The following RARB variants were observed in gnomAD, a reference collection of about 807,000 sequenced individuals.
The protein encoded by RARB is HBV-activated protein.
In RARB, 17 loss-of-function variants were observed where a neutral mutation model predicts 51.9. The ratio of observed to expected loss-of-function variants is 0.33; its 90% confidence interval spans 0.22 to 0.49. The LOEUF (loss-of-function observed/expected upper bound fraction) is 0.49. RARB is among the 20% of genes least tolerant of loss of function. RARB has a pLI of 0.99. For synonymous variants in RARB, 215 were observed against 195.4 expected (o/e 1.10, Z -0.84); for missense variants, 369 against 550.8 (o/e 0.67, Z 3.30).
chr3:25,092,359 C>T (rs527316709), intron 3 of RARB, among the ~76,000 whole-genome samples: 42 of 151,820 alleles, frequency 2.8e-4, no homozygotes, highest in African/African-American at 9.2e-4. Flanking sequence ...ATTTGTTTGC[C>T]CAAGATCTTA....
At chr3:25,024,916 G>A (rs1408028510) in intron 2 of RARB, 2 of 133,170 alleles carry the variant, frequency 1.5e-5, no homozygotes, top group Non-Finnish European at 3.1e-5. Flanking sequence ...TCATGCCACT[G>A]TCACTCCAGC....
chr3:25,342,498 C>T (rs1259164718), intron 5 of RARB, among the ~76,000 whole-genome samples: 1 of 152,160 alleles, frequency 6.6e-6, no homozygotes, highest in Non-Finnish European at 1.5e-5. Context: ...GGATAAAAAG[C>T]AGATCTGCTG....
At chr3:24,877,345 A>ATTTTTTTTTTT (rs1559379782) in intron 2 of RARB, among the ~76,000 whole-genome samples, 4 of 17,760 alleles carry the variant, frequency 2.3e-4, no homozygotes, top group African/African-American at 8.6e-4. Flanking sequence ...AAGCAATCTT[A>ATTTTTTTTTTT]CTTTTTTTTT....
At chr3:25,347,793 C>A (rs1705438488) in intron 5 of RARB, among the ~76,000 whole-genome samples, 1 of 152,190 alleles carries the variant, frequency 6.6e-6, no homozygotes, top group Non-Finnish European at 1.5e-5. Context: ...CAATCATTCA[C>A]ACATGTTCAT....
chr3:25,437,058 G>A (rs545295456), intron 1 of RARB, among the ~76,000 whole-genome samples: 2 of 151,666 alleles, frequency 1.3e-5, no homozygotes, highest in Non-Finnish European at 2.9e-5. Flanking sequence ...CACCAGGTAG[G>A]CCTTCTGCCC....
chr3:25,138,311 T>A (rs1021820655), intron 4 of RARB, among the ~76,000 whole-genome samples: 6 of 152,056 alleles, frequency 3.9e-5, no homozygotes, highest in African/African-American at 1.4e-4. Flanking sequence ...TGATACAACC[T>A]TTTGAAAGCA....
intron 4 of RARB, among the ~76,000 whole-genome samples, chr3:25,150,632 T>C (rs1336808950): frequency 6.6e-6 from 1 of 152,210 alleles, no homozygotes; most frequent in East Asian, 1.9e-4. Context: ...TAGAGTACAA[T>C]CATTTGAGAG....
chr3:25,291,101 A>G (rs1036856692), intron 5 of RARB, among the ~76,000 whole-genome samples: 22 of 152,286 alleles, frequency 1.4e-4, no homozygotes, highest in African/African-American at 4.8e-4. Context: ...CTTCTGAAAA[A>G]TATAGAGTTG....
chr3:25,176,877 G>C (rs1054343135), intron 5 of RARB, among the ~76,000 whole-genome samples: 3 of 152,072 alleles, frequency 2.0e-5, no homozygotes, highest in African/African-American at 7.2e-5. Context: ...TCATTTTCTA[G>C]ATCAAAACTG....
In RARB at chr3:25,053,101, A is replaced by AGT. The variant is rs370621273; in HGVS notation, c.-379-7022_-379-7021dup. Among the ~76,000 whole-genome samples, 379 of 152,262 alleles carry AGT rather than the reference A, an allele frequency of 2.5e-3. 2 individuals are homozygous for AGT. The highest frequency in any genetic ancestry group is 8.5e-3 in the African/African-American group (353 of 41,556). On this transcript the variant is annotated intron_variant, in intron 2 of 11. Coordinates refer to the RARB transcript ENST00000383772. ...GTATCCTTAAGGAAAGGGGAAAAGAAGTGGAGTAGGCTGAGGGGGAGAGAT... is the reference window on the plus strand; with the variant it reads ...GTATCCTTAAGGAAAGGGGAAAAGAAGTGTGGAGTAGGCTGAGGGGGAGAGAT...
intron 2 of RARB, among the ~76,000 whole-genome samples, chr3:25,000,455 A>C: frequency 6.6e-6 from 1 of 151,668 alleles, no homozygotes; most frequent in South Asian, 2.1e-4. Flanking sequence ...TCTTTTTTGC[A>C]TTTTCTTTTA....
chr3:25,024,171 A>G (rs873390), intron 2 of RARB, among the ~76,000 whole-genome samples: 20,599 of 152,278 alleles, frequency 0.14, 1,842 homozygotes, highest in Non-Finnish European at 0.2. Flanking sequence ...ATTAAAACAC[A>G]TAGAAACTCA....
intron 4 of RARB, among the ~76,000 whole-genome samples, chr3:25,159,085 G>C (rs1185032428): frequency 6.8e-6 from 1 of 148,142 alleles, no homozygotes; most frequent in Non-Finnish European, 1.5e-5. Context: ...TATTTGATGA[G>C]AATATAGTAA....
In RARB at chr3:25,339,596, TA is replaced by T. The variant is rs34561517; in HGVS notation, c.179-121595del. On this transcript the variant is annotated intron_variant, in intron 5 of 11. Transcript: ENST00000383772. The stretch of plus-strand genomic sequence containing the variant: ...TTCAGCTGAAGTTTTTTTTTTTTTT[TA>T]ATCACACTGTTTGCCTAATTTGAGA... 5.4e-3 allele frequency among the ~76,000 whole-genome samples: 809 copies of T among 150,766 alleles called. 4 individuals are homozygous for T. Among genetic ancestry groups the T allele is most frequent in the African/African-American group, 0.019 (760 of 40,562 alleles).
intron 5 of RARB, among the ~76,000 whole-genome samples, chr3:25,336,586 G>T (rs114212900): frequency 6.6e-6 from 1 of 152,112 alleles, no homozygotes; most frequent in African/African-American, 2.4e-5. Context: ...AAGTATTTCA[G>T]CTTTGGAGCG....
At chr3:25,594,713 A>G (rs754966697) in intron 7 of RARB, 35 bp downstream of exon 7, 27 of 1,507,528 alleles carry the variant, frequency 1.8e-5, no homozygotes, top group Non-Finnish European at 2.3e-5. Context: ...GTAGTCACAC[A>G]GTGGACTTGA....
intron 3 of RARB, among the ~76,000 whole-genome samples, chr3:25,106,221 C>G (rs6763490): frequency 9.3e-6 from 1 of 107,380 alleles, no homozygotes; most frequent in African/African-American, 3.6e-5. Context: ...ACAGAACTTA[C>G]AGTTGTGGTG....
intron 3 of RARB, among the ~76,000 whole-genome samples, chr3:25,114,717 G>T (rs566655556): frequency 2.0e-5 from 3 of 152,322 alleles, no homozygotes; most frequent in South Asian, 4.1e-4. Flanking sequence ...GAGGAAAGAA[G>T]ATTAGGTTGC....
intron 5 of RARB, among the ~76,000 whole-genome samples, chr3:25,198,409 A>C (rs1701299792): frequency 6.6e-6 from 1 of 152,110 alleles, no homozygotes; most frequent in Non-Finnish European, 1.5e-5. Flanking sequence ...CAACCAAAGC[A>C]AAAATGGACA....
Sources: gnomAD v4.1 joint callset for allele counts (sites outside exome capture counted in the v4.1 genomes callset) on GRCh38, gnomAD v4.1.1 for gene constraint, MANE v1.5 for transcripts, NCBI Gene and HGNC (gene_info 2026-07-23, HGNC 2026-07-21) for gene names.